FGF14: variants seen among roughly 807,000 people sequenced by gnomAD.
FGF14 encodes fibroblast growth factor homologous factor 4.
A neutral mutation model predicts 25.5 loss-of-function variants in FGF14; 5 were observed. The ratio of observed to expected loss-of-function variants is 0.20; its 90% CI spans 0.10 to 0.41. The LOEUF is 0.41. Among genes scored for constraint, FGF14 ranks in the 10% least tolerant of loss-of-function variants. The probability of loss-of-function intolerance (pLI) is 1.00; values close to 1 mark genes in which losing one functional copy is unlikely to be tolerated. For synonymous variants in FGF14, 138 were observed against 118.3 expected, an observed-to-expected ratio of 1.17 and a Z score of -1.08; for missense variants, 222 against 320.1, an observed-to-expected ratio of 0.69 and a Z score of 2.34.
At chr13:102,063,432 T>G (rs760237260) in intron 1 of FGF14, among the ~76,000 whole-genome samples, 2 of 151,880 alleles carry the variant, frequency 1.3e-5, no homozygotes, top group Non-Finnish European at 2.9e-5. Context: ...CTGGGCAACA[T>G]GGCAAAACCT....
chr13:101,725,886 G>T (rs964270274), intron 4 of FGF14, among the ~76,000 whole-genome samples: 1 of 152,014 alleles, frequency 6.6e-6, no homozygotes, highest in Non-Finnish European at 1.5e-5. Flanking sequence ...GAGAGGTGCA[G>T]ATGTTGTTGA....
At chr13:102,341,309 T>A (rs184385561) in intron 1 of FGF14, among the ~76,000 whole-genome samples, 25 of 152,248 alleles carry the variant, frequency 1.6e-4, no homozygotes, top group African/African-American at 5.8e-4. Context: ...GAAAAATCAT[T>A]CCATTATGAG....
chr13:102,152,834 T>C (rs1025670530), intron 1 of FGF14, among the ~76,000 whole-genome samples: 1 of 152,278 alleles, frequency 6.6e-6, no homozygotes, highest in Non-Finnish European at 1.5e-5. Context: ...GACATGTTAA[T>C]GAACTAATGT....
At chr13:102,068,318 C>T (rs1467248760) in intron 1 of FGF14, among the ~76,000 whole-genome samples, 2 of 152,210 alleles carry the variant, frequency 1.3e-5, no homozygotes, top group African/African-American at 2.4e-5. Context: ...GCTGGCAGTC[C>T]TCACAGCCCT....
intron 1 of FGF14, among the ~76,000 whole-genome samples, chr13:101,948,806 C>T (rs1278543047): frequency 2.6e-5 from 4 of 152,104 alleles, no homozygotes; most frequent in East Asian, 1.9e-4. Flanking sequence ...AATCATCAAA[C>T]GTTTTTAGAA....
intron 1 of FGF14, among the ~76,000 whole-genome samples, chr13:102,379,975 T>C (rs905174666): frequency 6.6e-6 from 1 of 152,168 alleles, no homozygotes; most frequent in Non-Finnish European, 1.5e-5. Flanking sequence ...TCACTAATGA[T>C]GGCTTCAAAA....
At chr13:101,837,585 T>A (rs574295646) in intron 3 of FGF14, among the ~76,000 whole-genome samples, 1 of 152,108 alleles carries the variant, frequency 6.6e-6, no homozygotes, top group Admixed American at 6.6e-5. Context: ...TTTATATTGA[T>A]CTTTGAGAAA....
chr13:102,287,645 T>C (rs1468485473), intron 1 of FGF14, among the ~76,000 whole-genome samples: 3 of 152,260 alleles, frequency 2.0e-5, no homozygotes, highest in Non-Finnish European at 4.4e-5. Flanking sequence ...TAAATGTTCT[T>C]GTTTTTAATC....
chr13:102,057,145 TAATTGTTTATAA>T (rs2042469105), intron 1 of FGF14, among the ~76,000 whole-genome samples: 1 of 152,056 alleles, frequency 6.6e-6, no homozygotes. Flanking sequence ...AGTAATGATA[TAATTGTTTATAA>T]ACTATGAATT....
In FGF14 at chr13:101,977,832, C is replaced by T. The variant is rs376718272; in HGVS notation, c.209-102536G>A. On this transcript the variant is annotated intron_variant, in intron 1 of 4. Transcript: ENST00000376131. ...CAATAAACTCCCATTTTATATAAGT[C>T]CATTTGAATTTGGGTTTTCTTTAAC... Among the ~76,000 whole-genome samples, 51 of 152,052 alleles carry T rather than the reference C, an allele frequency of 3.4e-4. 1 individual carries two copies. In the East Asian group the frequency reaches 5.0e-3, roughly 15 times the overall value.
chr13:102,036,662 AAGG>A (rs2041490100), intron 1 of FGF14, among the ~76,000 whole-genome samples: 1 of 151,692 alleles, frequency 6.6e-6, no homozygotes, highest in Non-Finnish European at 1.5e-5. Flanking sequence ...GAGGAAACAG[AAGG>A]AGGAGGAGAA....
At chr13:101,924,668 G>A (rs1048968601) in intron 1 of FGF14, among the ~76,000 whole-genome samples, 49 of 152,296 alleles carry the variant, frequency 3.2e-4, no homozygotes, top group African/African-American at 1.0e-3. Flanking sequence ...GTGTATAATA[G>A]TATGTGAAAA....
rs932630385 is a variant in FGF14, at chr13:101,769,506, A to G, written c.409-42696T>C. On this transcript the variant is annotated intron_variant, in intron 3 of 4. Coordinates refer to ENST00000376143, the MANE Select transcript of FGF14 (RefSeq NM_004115.4). The stretch of plus-strand genomic sequence containing the variant: ...TGTCTACACGAAAACCTGCATGCAA[A>G]TATCTATGGCAGCTGCATTCATAAT... Among the ~76,000 whole-genome samples, 6 of 152,172 alleles carry G rather than the reference A, an allele frequency of 3.9e-5. No homozygotes were observed. In the East Asian group the frequency reaches 1.2e-3, roughly 29 times the overall value.
intron 1 of FGF14, among the ~76,000 whole-genome samples, chr13:102,382,812 C>T (rs1263792637): frequency 6.6e-6 from 1 of 152,036 alleles, no homozygotes; most frequent in Non-Finnish European, 1.5e-5. Context: ...AATATAGATT[C>T]ATGCTTGAAT....
At chr13:101,920,691 C>T (rs181953991), upstream of FGF14, among the ~76,000 whole-genome samples, 3 of 152,226 alleles carry the variant, frequency 2.0e-5, no homozygotes, top group Non-Finnish European at 1.5e-5. Flanking sequence ...CACCCCCCCA[C>T]AGTGGATGCA....
chr13:102,016,076 T>G (rs771795055), intron 1 of FGF14, among the ~76,000 whole-genome samples: 3 of 152,132 alleles, frequency 2.0e-5, no homozygotes, highest in Non-Finnish European at 4.4e-5. Flanking sequence ...TGAATTTTCA[T>G]GAATAACAAC....
At chr13:102,308,460 G>A (rs941681081) in intron 1 of FGF14, among the ~76,000 whole-genome samples, 1 of 152,142 alleles carries the variant, frequency 6.6e-6, no homozygotes, top group African/African-American at 2.4e-5. Context: ...AAGGGCTTCA[G>A]TAACACATTT....
At chr13:101,749,741 C>A (rs554507711) in intron 3 of FGF14, among the ~76,000 whole-genome samples, 1 of 152,168 alleles carries the variant, frequency 6.6e-6, no homozygotes, top group South Asian at 2.1e-4. Context: ...CCTTTCTTCA[C>A]ATGGACTTTG....
intron 1 of FGF14, among the ~76,000 whole-genome samples, chr13:102,100,806 A>C (rs1327209867): frequency 2.6e-5 from 4 of 152,252 alleles, no homozygotes; most frequent in Non-Finnish European, 5.9e-5. Context: ...GAAGCTTAAA[A>C]AGGTAAAGTG....
Sources: allele counts gnomAD v4.1 joint callset (sites outside exome capture counted in the v4.1 genomes callset), GRCh38; gene constraint gnomAD v4.1.1; transcripts MANE v1.5; gene names NCBI Gene and HGNC (gene_info 2026-07-23, HGNC 2026-07-21).